AGBL4: variants seen among roughly 807,000 people sequenced by gnomAD.
The protein encoded by AGBL4 is AGBL carboxypeptidase 4.
A neutral mutation model predicts 66.4 loss-of-function variants in AGBL4; 58 were observed. The observed-to-expected ratio is 0.87, with a 90% CI of 0.71 to 1.09. The LOEUF (loss-of-function observed/expected upper bound fraction) is 1.09, where lower values mean the gene tolerates loss of function less well. Among genes scored for constraint, AGBL4 ranks in the 50% least tolerant of loss-of-function variants. The pLI, the probability that AGBL4 is intolerant of heterozygous loss-of-function variation, is 0.00. For missense variants in AGBL4, 579 were observed against 631.0 expected, an observed-to-expected ratio of 0.92 and a Z score of 0.88; for synonymous variants, 234 against 222.9, an observed-to-expected ratio of 1.05 and a Z score of -0.44.
At chr1:50,004,579 C>A (rs1660995104) in intron 1 of AGBL4, among the ~76,000 whole-genome samples, 1 of 152,194 alleles carries the variant, frequency 6.6e-6, no homozygotes. Context: ...GATACCAGCT[C>A]AGCCACAGTA....
chr1:49,951,799 A>T (rs1328819119), intron 1 of AGBL4, among the ~76,000 whole-genome samples: 1 of 151,982 alleles, frequency 6.6e-6, no homozygotes, highest in African/African-American at 2.4e-5. Flanking sequence ...TACATTGTAC[A>T]CTGTAACTAT....
chr1:49,478,694 C>T (rs1646893738), intron 3 of AGBL4, among the ~76,000 whole-genome samples: 2 of 151,978 alleles, frequency 1.3e-5, no homozygotes, highest in Admixed American at 1.3e-4. Context: ...AAAACACAGA[C>T]TATTATAACA....
At chr1:48,591,094 C>G (rs1214892619) in intron 9 of AGBL4, 109 bp from the exon 10 acceptor site, 4 of 752,440 alleles carry the variant, frequency 5.3e-6, no homozygotes, top group East Asian at 5.5e-5. Flanking sequence ...CCACCCACCC[C>G]CCCCCACACA....
At chr1:48,558,536 C>T (rs1250179763) in intron 11 of AGBL4, among the ~76,000 whole-genome samples, 1 of 152,300 alleles carries the variant, frequency 6.6e-6, no homozygotes, top group East Asian at 1.9e-4. Context: ...TGATTAGTGA[C>T]GTATGGCATA....
chr1:49,613,896 A>G (rs938887660), intron 3 of AGBL4, among the ~76,000 whole-genome samples: 2 of 152,196 alleles, frequency 1.3e-5, no homozygotes, highest in African/African-American at 4.8e-5. Context: ...AAGCTTGGGG[A>G]TTGCTGTCCT....
chr1:49,560,005 G>A (rs1210896081), intron 3 of AGBL4, among the ~76,000 whole-genome samples: 1 of 152,002 alleles, frequency 6.6e-6, no homozygotes, highest in Non-Finnish European at 1.5e-5. Context: ...TCCCAAGAAG[G>A]ACAAATATAA....
rs546432611 is a variant in AGBL4 at position 49,950,059 on chromosome 1, TAC to T, written c.34+73702_34+73703del. Among the ~76,000 whole-genome samples the T allele has an allele frequency of 2.0e-3, 286 of 141,744 alleles. 10 individuals are homozygous for T. In the South Asian group the frequency reaches 0.061, roughly 30 times the overall value. The allele number at this position is 141,744 out of a possible 152,430, so 93.0% of individuals were successfully genotyped here. A position where few individuals can be genotyped will look rare whatever the true frequency, so the allele number is the denominator to read the frequency against. Reference sequence around the variant, plus strand: ...ATATATATACACATATGTGTATATATACACACATATATATACACATATGTGTA... The same window carrying T: ...ATATATATACACATATGTGTATATATACACATATATATACACATATGTGTA... On this transcript the variant is annotated intron_variant, in intron 1 of 13. Coordinates refer to ENST00000371839, the MANE Select transcript of AGBL4 (RefSeq NM_032785.4).
intron 11 of AGBL4, among the ~76,000 whole-genome samples, chr1:48,577,772 C>T (rs561337707): frequency 2.6e-5 from 4 of 151,994 alleles, no homozygotes; most frequent in South Asian, 2.1e-4. Context: ...AAACTAGGGA[C>T]GCTGATCAGA....
chr1:49,439,359 T>G (rs981312682), intron 3 of AGBL4, among the ~76,000 whole-genome samples: 1 of 152,344 alleles, frequency 6.6e-6, no homozygotes, highest in Non-Finnish European at 1.5e-5. Context: ...CCTCTATGAG[T>G]TCTCAGGAAT....
intron 1 of AGBL4, among the ~76,000 whole-genome samples, chr1:50,007,067 T>C (rs1282601953): frequency 1.3e-5 from 2 of 151,996 alleles, no homozygotes; most frequent in Non-Finnish European, 2.9e-5. Flanking sequence ...AAAAAAATTT[T>C]AAAGGGGTGA....
At chr1:48,605,156 T>C (rs2148370669) in intron 9 of AGBL4, among the ~76,000 whole-genome samples, 1 of 152,348 alleles carries the variant, frequency 6.6e-6, no homozygotes, top group East Asian at 1.9e-4. Flanking sequence ...TCTAGATCTA[T>C]CCATAATACA....
chr1:48,665,898 C>G (rs905502959), intron 6 of AGBL4, among the ~76,000 whole-genome samples: 6 of 152,170 alleles, frequency 3.9e-5, no homozygotes, highest in African/African-American at 1.2e-4. Context: ...GGATGTCTCC[C>G]CTGACCCCGT....
intron 1 of AGBL4, among the ~76,000 whole-genome samples, chr1:49,857,973 A>T (rs1402457748): frequency 1.3e-5 from 2 of 152,234 alleles, no homozygotes; most frequent in East Asian, 3.9e-4. Context: ...ACCCAAAGGG[A>T]CTAACTCTCT....
At chr1:48,678,405 C>A (rs1184892557) in intron 6 of AGBL4, among the ~76,000 whole-genome samples, 2 of 152,188 alleles carry the variant, frequency 1.3e-5, no homozygotes, top group African/African-American at 4.8e-5. Context: ...CAACACCTGT[C>A]AGAAAAATCC....
At chr1:49,127,410 C>G (rs1043881913) in intron 4 of AGBL4, among the ~76,000 whole-genome samples, 1 of 152,074 alleles carries the variant, frequency 6.6e-6, no homozygotes, top group South Asian at 2.1e-4. Context: ...AACCAAATAC[C>G]ACCTGTTCCT....
At chr1:48,747,858 G>C (rs899882293) in intron 6 of AGBL4, among the ~76,000 whole-genome samples, 3 of 152,120 alleles carry the variant, frequency 2.0e-5, no homozygotes, top group Non-Finnish European at 4.4e-5. Flanking sequence ...TATGTGTTTG[G>C]ACACTAAATA....
intron 3 of AGBL4, among the ~76,000 whole-genome samples, chr1:49,667,150 T>C (rs1179022940): frequency 6.6e-6 from 1 of 152,122 alleles, no homozygotes; most frequent in Non-Finnish European, 1.5e-5. Context: ...TGTAACTACA[T>C]ATATTGTCTA....
chr1:49,531,031 C>A lies in AGBL4; in HGVS notation c.282+166282G>T, dbSNP rs1379218435. Among the ~76,000 whole-genome samples, 3 of 152,008 alleles carry A rather than the reference C, an allele frequency of 2.0e-5. 1 individual carries two copies. The highest frequency in any genetic ancestry group is 4.4e-5 in the Non-Finnish European group (3 of 67,988). On this transcript the variant is annotated intron_variant, in intron 3 of 13. Transcript: ENST00000371839. ...AGAGCACTCAATCAATAAATTCTCA[C>A]CTCATATGTATTATTTCTATTCTTT...
At chr1:48,702,228 T>C (rs1396184388) in intron 6 of AGBL4, among the ~76,000 whole-genome samples, 3 of 152,168 alleles carry the variant, frequency 2.0e-5, no homozygotes, top group Non-Finnish European at 4.4e-5. Flanking sequence ...GCCTGAGTCC[T>C]GCACTGCCCT....
Sources: gnomAD v4.1 joint callset for allele counts (sites outside exome capture counted in the v4.1 genomes callset) on GRCh38, gnomAD v4.1.1 for gene constraint, MANE v1.5 for transcripts, NCBI Gene and HGNC (gene_info 2026-07-23, HGNC 2026-07-21) for gene names.